The following FAM193A variants were observed in gnomAD, a reference collection of about 807,000 sequenced individuals.
FAM193A encodes family with sequence similarity 193 member A.
A neutral mutation model predicts 126.5 loss-of-function variants in FAM193A; 22 were observed. The observed-to-expected ratio is 0.17, with a 90% CI of 0.12 to 0.25. FAM193A has a LOEUF of 0.25. Among genes scored for constraint, FAM193A ranks in the 10% least tolerant of loss-of-function variants. The pLI is 1.00. For synonymous variants in FAM193A, 761 were observed against 646.8 expected (o/e 1.18, Z -2.68); for missense variants, 1,675 against 1,672.8 (o/e 1.00, Z -0.02).
At chr4:2,556,040 G>A (rs1317575900) in intron 1 of FAM193A, among the ~76,000 whole-genome samples, 1 of 151,884 alleles carries the variant, frequency 6.6e-6, no homozygotes, top group African/African-American at 2.4e-5. Flanking sequence ...GGGATTACAG[G>A]CATGTGCCAC....
intron 1 of FAM193A, among the ~76,000 whole-genome samples, chr4:2,544,275 T>C (rs556611026): frequency 6.6e-6 from 1 of 152,296 alleles, no homozygotes; most frequent in Admixed American, 6.5e-5. Flanking sequence ...AGATAAAGAA[T>C]ATAGGTTGGC....
chr4:2,677,120 TTATA>T (rs1198932291), intron 13 of FAM193A, among the ~76,000 whole-genome samples: 1 of 152,216 alleles, frequency 6.6e-6, no homozygotes, highest in Non-Finnish European at 1.5e-5. Context: ...TAGTTCATTT[TTATA>T]TATGGTGTTA....
chr4:2,696,204 A>C (rs1717015631), intron 17 of FAM193A, 159 bp from the exon 18 acceptor site: 1 of 583,588 alleles, frequency 1.7e-6, no homozygotes, highest in African/African-American at 1.9e-5. Context: ...ACTTGCTGAT[A>C]GGTTTTTCTC....
chr4:2,671,384 C>T (rs928309255), intron 12 of FAM193A, among the ~76,000 whole-genome samples: 3 of 152,228 alleles, frequency 2.0e-5, no homozygotes, highest in Non-Finnish European at 4.4e-5. Flanking sequence ...TACTGCTTCA[C>T]CCTCTGCCTG....
chr4:2,681,013 A>G (rs1204755735), intron 13 of FAM193A, among the ~76,000 whole-genome samples: 1 of 151,748 alleles, frequency 6.6e-6, no homozygotes, highest in Non-Finnish European at 1.5e-5. Context: ...CTTTTTAGAG[A>G]TATGCTTGCT....
chr4:2,712,230 A>G (rs1176778700), intron 19 of FAM193A, among the ~76,000 whole-genome samples: 1 of 152,130 alleles, frequency 6.6e-6, no homozygotes, highest in Non-Finnish European at 1.5e-5. Context: ...TTACATATGG[A>G]GATACATATA....
chr4:2,651,261 C>T (rs1324802745), intron 7 of FAM193A, among the ~76,000 whole-genome samples: 1 of 152,024 alleles, frequency 6.6e-6, no homozygotes, highest in African/African-American at 2.4e-5. Flanking sequence ...ACCTGGGAGG[C>T]AGAGGTTGGG....
At chr4:2,609,117 C>G (rs1332507153) in intron 2 of FAM193A, among the ~76,000 whole-genome samples, 1 of 151,986 alleles carries the variant, frequency 6.6e-6, no homozygotes, top group Non-Finnish European at 1.5e-5. Context: ...CGGTCCCAGT[C>G]TTGTGACCTT....
chr4:2,684,395 T>A (rs571824178), intron 13 of FAM193A, among the ~76,000 whole-genome samples: 197 of 152,280 alleles, frequency 1.3e-3, no homozygotes, highest in Middle Eastern at 6.8e-3. Context: ...CCAAAGATAC[T>A]TAGTAGCTCT....
At chr4:2,552,850 T>TC (rs1361196283) in intron 1 of FAM193A, among the ~76,000 whole-genome samples, 155 of 147,386 alleles carry the variant, frequency 1.1e-3, no homozygotes, top group African/African-American at 3.0e-3. Context: ...GAACTTTCTT[T>TC]TTTTTTTTTT....
chr4:2,609,635 A>G (rs1422563300), intron 2 of FAM193A, among the ~76,000 whole-genome samples: 1 of 152,134 alleles, frequency 6.6e-6, no homozygotes, highest in Non-Finnish European at 1.5e-5. Context: ...TTGCTGGCGT[A>G]GGCCACCGTG....
intron 2 of FAM193A, among the ~76,000 whole-genome samples, chr4:2,605,783 C>G (rs1365364700): frequency 2.0e-5 from 3 of 151,958 alleles, no homozygotes; most frequent in Non-Finnish European, 2.9e-5. Flanking sequence ...ACCAGCCTGG[C>G]CAACATGGCG....
chr4:2,602,703 C>T (rs951547306), intron 2 of FAM193A, among the ~76,000 whole-genome samples: 12 of 152,102 alleles, frequency 7.9e-5, no homozygotes, highest in Non-Finnish European at 5.9e-5. Flanking sequence ...CTCTGTTGCC[C>T]AGGCTGGAGT....
At chr4:2,646,210 C>T (rs1034317723) in intron 6 of FAM193A, among the ~76,000 whole-genome samples, 2 of 123,650 alleles carry the variant, frequency 1.6e-5, no homozygotes, top group African/African-American at 6.1e-5. Context: ...CGCTCTGTTG[C>T]CCAGGCTGGA....
chr4:2,642,884 C>T (rs1439058396), intron 6 of FAM193A, among the ~76,000 whole-genome samples: 1 of 152,054 alleles, frequency 6.6e-6, no homozygotes, highest in Non-Finnish European at 1.5e-5. Flanking sequence ...AGGCGCCCGC[C>T]ACCACACCCG....
At chr4:2,577,112 G>C (rs1739630847) in intron 1 of FAM193A, among the ~76,000 whole-genome samples, 1 of 152,154 alleles carries the variant, frequency 6.6e-6, no homozygotes, top group African/African-American at 2.4e-5. Context: ...AGAGTATTAT[G>C]GGGTCCGTGT....
intron 2 of FAM193A, among the ~76,000 whole-genome samples, chr4:2,615,667 C>T (rs960134234): frequency 6.6e-5 from 10 of 151,906 alleles, no homozygotes; most frequent in Non-Finnish European, 1.3e-4. Context: ...TACAGGCGTG[C>T]GCCACCACGC....
chr4:2,548,040 T>C (rs115324410), intron 1 of FAM193A, among the ~76,000 whole-genome samples: 3,062 of 151,852 alleles, frequency 0.02, 181 homozygotes, highest in Admixed American at 0.13. Flanking sequence ...CTGTATCCTC[T>C]TGGGAGCAGT....
intron 2 of FAM193A, among the ~76,000 whole-genome samples, chr4:2,599,760 A>C (rs1464567842): frequency 6.7e-6 from 1 of 149,708 alleles, no homozygotes; most frequent in Non-Finnish European, 1.5e-5. Flanking sequence ...TTTTTGAGAC[A>C]GAGTCTTGCT....
Sources: gnomAD v4.1 joint callset for allele counts (sites outside exome capture counted in the v4.1 genomes callset) on GRCh38, gnomAD v4.1.1 for gene constraint, MANE v1.5 for transcripts, NCBI Gene and HGNC (gene_info 2026-07-23, HGNC 2026-07-21) for gene names.